ANKRD6: variants seen among roughly 807,000 people sequenced by gnomAD.
ANKRD6 encodes the protein ankyrin repeat domain 6, also known as ankyrin repeat domain-containing protein 6.
Under a neutral mutation model 82.3 loss-of-function variants are expected in ANKRD6, and 56 were observed. The observed-to-expected ratio is 0.68, with a 90% confidence interval of 0.55 to 0.85. ANKRD6 has a LOEUF of 0.85. Among genes scored for constraint, ANKRD6 ranks in the 40% least tolerant of loss-of-function variants. The pLI is 0.00. For missense variants in ANKRD6, 852 were observed against 907.6 expected (o/e 0.94, Z 0.79); for synonymous variants, 347 against 352.1 (o/e 0.99, Z 0.16).
intron 1 of ANKRD6, among the ~76,000 whole-genome samples, chr6:89,502,965 T>C (rs1779428297): frequency 6.6e-6 from 1 of 152,182 alleles, no homozygotes; most frequent in Non-Finnish European, 1.5e-5. Context: ...CTCTGGGCTG[T>C]AACCCCTCCA....
Position 89,613,878 on chromosome 6 carries a change from T to C in ANKRD6, c.603T>C (p.His201=). ...TCCTCACTGCTTTCTGTTCTGTCCA[T>C]GAAAAGAACCAGGTCAGTGCATGTA... The part of the protein sequence containing the change: ...RLLLTAFCSV[H]EKNQAGDTAL... The change falls in exon 7 of 16, where the codon CAT becomes CAC. Residue 201 remains histidine, a synonymous_variant. Transcript: ENST00000339746. 1 of 1,613,924 alleles carries C rather than the reference T, an allele frequency of 6.2e-7. No individual in the cohort carries two copies. Among genetic ancestry groups the C allele is most frequent in the Non-Finnish European group, 8.5e-7 (1 of 1,179,856 alleles).
chr6:89,505,676 A>G (rs1189008701), intron 1 of ANKRD6, among the ~76,000 whole-genome samples: 1 of 152,242 alleles, frequency 6.6e-6, no homozygotes, highest in African/African-American at 2.4e-5. Context: ...GGAAAGCCAT[A>G]TGGAGGTTCC....
intron 2 of ANKRD6, among the ~76,000 whole-genome samples, chr6:89,590,791 CTT>C (rs1794728257): frequency 6.6e-6 from 1 of 152,198 alleles, no homozygotes. Flanking sequence ...TGCTGTATAA[CTT>C]AGAACAAGTG....
At chr6:89,544,467 G>A (rs888160230) in intron 1 of ANKRD6, among the ~76,000 whole-genome samples, 2 of 152,304 alleles carry the variant, frequency 1.3e-5, no homozygotes, top group Admixed American at 1.3e-4. Context: ...TGTAATCCCA[G>A]CACTTTGGAG....
chr6:89,627,153 T>G (rs1805978024), intron 13 of ANKRD6, among the ~76,000 whole-genome samples: 1 of 151,412 alleles, frequency 6.6e-6, no homozygotes, highest in African/African-American at 2.4e-5. Context: ...GCCTTCCAGG[T>G]TCAAATGATT....
chr6:89,481,717 C>T (rs922691681), intron 1 of ANKRD6, among the ~76,000 whole-genome samples: 25 of 151,960 alleles, frequency 1.6e-4, no homozygotes, highest in South Asian at 8.3e-4. Flanking sequence ...ACTGGTGGTA[C>T]GGCTGGCAGT....
chr6:89,571,032 A>G (rs1337184609), intron 2 of ANKRD6, among the ~76,000 whole-genome samples: 5 of 150,080 alleles, frequency 3.3e-5, no homozygotes, highest in African/African-American at 1.2e-4. Flanking sequence ...CACATCCTTG[A>G]CAATACTTGC....
intron 1 of ANKRD6, among the ~76,000 whole-genome samples, chr6:89,502,253 A>G (rs1297001630): frequency 6.6e-6 from 1 of 152,204 alleles, no homozygotes; most frequent in African/African-American, 2.4e-5. Flanking sequence ...AGTTATTTCA[A>G]ATAATGTAAC....
chr6:89,500,972 CTTTTTTTTTT>C (rs35877637), intron 1 of ANKRD6, among the ~76,000 whole-genome samples: 3 of 121,818 alleles, frequency 2.5e-5, no homozygotes, highest in Admixed American at 8.6e-5. Context: ...CCCAATTAGT[CTTTTTTTTTT>C]TTTTTTTTTT....
Position 89,496,114 on chromosome 6 carries a change from G to T in ANKRD6, c.-144+62739G>T, listed in dbSNP as rs187295917. ...CCATCTACAAAATGAAGACTCCGGA[G>T]TTGTGCTTCTCCAGGTCTCAGGAAC... On this transcript the variant is annotated intron_variant, in intron 1 of 15. Transcript: ENST00000339746. Among the ~76,000 whole-genome samples, 235 of 151,958 alleles carry T rather than the reference G, an allele frequency of 1.5e-3. 1 individual carries two copies. The highest frequency in any genetic ancestry group is 2.8e-3 in the Non-Finnish European group (189 of 67,990).
At chr6:89,472,493 T>C (rs1775593238) in intron 1 of ANKRD6, among the ~76,000 whole-genome samples, 1 of 152,362 alleles carries the variant, frequency 6.6e-6, no homozygotes, top group Non-Finnish European at 1.5e-5. Flanking sequence ...TGTTTTACTT[T>C]AACCTCCTTG....
At chr6:89,449,994 G>A (rs966588942) in intron 1 of ANKRD6, among the ~76,000 whole-genome samples, 13 of 152,136 alleles carry the variant, frequency 8.5e-5, no homozygotes, top group Non-Finnish European at 1.6e-4. Flanking sequence ...GAGTTCTGTG[G>A]ATAAAATGCT....
At chr6:89,498,524 A>AT (rs144719119) in intron 1 of ANKRD6, among the ~76,000 whole-genome samples, 1,905 of 140,384 alleles carry the variant, frequency 0.014, 56 homozygotes, top group East Asian at 0.12. Flanking sequence ...TTATATATAT[A>AT]TATTTTTTTT....
intron 5 of ANKRD6, among the ~76,000 whole-genome samples, chr6:89,610,065 A>G (rs1023167856): frequency 1.3e-5 from 2 of 152,110 alleles, no homozygotes; most frequent in South Asian, 4.2e-4. Context: ...ATCAGTACCC[A>G]CTACTCAGGG....
At chr6:89,542,216 T>C (rs774066143) in intron 1 of ANKRD6, among the ~76,000 whole-genome samples, 1 of 152,204 alleles carries the variant, frequency 6.6e-6, no homozygotes, top group Non-Finnish European at 1.5e-5. Context: ...GTAGTTAGAT[T>C]TCCTGAAAGC....
intron 1 of ANKRD6, among the ~76,000 whole-genome samples, chr6:89,484,416 T>G (rs1000514813): frequency 3.3e-5 from 5 of 152,184 alleles, no homozygotes; most frequent in African/African-American, 1.2e-4. Flanking sequence ...ATATTCAGAA[T>G]GAGGAGTACT....
At chr6:89,457,383 T>G (rs1239653877) in intron 1 of ANKRD6, among the ~76,000 whole-genome samples, 1 of 152,194 alleles carries the variant, frequency 6.6e-6, no homozygotes, top group Non-Finnish European at 1.5e-5. Flanking sequence ...AGTGTCTTAT[T>G]TTTGGGAAAC....
chr6:89,614,338 C>T (rs891088021), intron 7 of ANKRD6, among the ~76,000 whole-genome samples: 1 of 152,028 alleles, frequency 6.6e-6, no homozygotes, highest in Non-Finnish European at 1.5e-5. Flanking sequence ...GACCCTGTCT[C>T]TACAAAAAAT....
chr6:89,455,278 G>C (rs976004251), intron 1 of ANKRD6, among the ~76,000 whole-genome samples: 4 of 152,020 alleles, frequency 2.6e-5, no homozygotes, highest in Non-Finnish European at 5.9e-5. Flanking sequence ...AGTTCAGCAG[G>C]CTGTACAGGA....
Sources: allele counts gnomAD v4.1 joint callset (sites outside exome capture counted in the v4.1 genomes callset), GRCh38; gene constraint gnomAD v4.1.1; transcripts MANE v1.5; gene names NCBI Gene and HGNC (gene_info 2026-07-23, HGNC 2026-07-21).